ASTN2: variants seen among roughly 807,000 people sequenced by gnomAD.
ASTN2 encodes the protein astrotactin 2.
A neutral mutation model predicts 139.8 loss-of-function variants in ASTN2; 54 were observed. The observed-to-expected ratio is 0.39, with a 90% CI of 0.31 to 0.48. ASTN2 has a LOEUF of 0.48. ASTN2 is among the 20% of genes least tolerant of loss of function. The pLI is 0.95. For synonymous variants in ASTN2, 756 were observed against 719.5 expected, an observed-to-expected ratio of 1.05 and a Z score of -0.81; for missense variants, 1,565 against 1,725.1, an observed-to-expected ratio of 0.91 and a Z score of 1.64.
intron 3 of ASTN2, among the ~76,000 whole-genome samples, chr9:117,196,159 G>T (rs2132979555): frequency 6.6e-6 from 1 of 152,228 alleles, no homozygotes; most frequent in Non-Finnish European, 1.5e-5. Flanking sequence ...TACTCCAGCT[G>T]TGTTACCTTG....
At position 117,096,148 on chromosome 9, in the gene ASTN2, C is replaced by G. The variant is rs1828836039; in HGVS notation, c.1172G>C (p.Gly391Ala). Residue 391 changes from glycine to alanine, a missense_variant, in exon 5 of 23, where the codon GGA (glycine) becomes GCA (alanine). Coordinates refer to ENST00000313400, the MANE Select transcript of ASTN2 (RefSeq NM_001365068.1). Reference sequence around the variant, plus strand: ...CCCCTTGGCTCTCCCAAAGCTGATTCCTCCTGTGAGTAAGCACAGTCTATC... The same window carrying G: ...CCCCTTGGCTCTCCCAAAGCTGATTGCTCCTGTGAGTAAGCACAGTCTATC... ...KRKRRSKSRG[G>A]ISFGRAKGTS... 2 of 1,613,562 alleles carry G rather than the reference C, an allele frequency of 1.2e-6. No homozygotes were observed. The highest frequency in any genetic ancestry group is 2.7e-5 in the African/African-American group (2 of 74,916).
chr9:117,191,255 A>G (rs1019138343), intron 3 of ASTN2, among the ~76,000 whole-genome samples: 2 of 151,850 alleles, frequency 1.3e-5, no homozygotes, highest in Non-Finnish European at 2.9e-5. Context: ...AGCTGCTAAA[A>G]TGTCCATCAA....
At chr9:117,394,089 G>T (rs1830612751) in intron 1 of ASTN2, among the ~76,000 whole-genome samples, 1 of 152,146 alleles carries the variant, frequency 6.6e-6, no homozygotes. Context: ...TTTCAAAGTG[G>T]ATCTCTTTGG....
In ASTN2 at chr9:116,423,927, G is replaced by T. The variant is rs970885189; in HGVS notation, c.*1924C>A. 1.3e-5 allele frequency among the ~76,000 whole-genome samples: 2 copies of T among 152,110 alleles called. No individual in the cohort carries two copies. Among genetic ancestry groups the T allele is most frequent in the Non-Finnish European group, 2.9e-5 (2 of 68,016 alleles). On this transcript the variant is annotated 3_prime_UTR_variant, in exon 23 of 23. Coordinates refer to ENST00000313400, the MANE Select transcript of ASTN2 (RefSeq NM_001365068.1). ...TTTTACTCACCACTACACAAATGAG[G>T]ATAGGCATATTTTGAATGGCTTATG...
chr9:116,605,941 A>G (rs971462691), intron 19 of ASTN2, among the ~76,000 whole-genome samples: 3 of 152,124 alleles, frequency 2.0e-5, no homozygotes, highest in Non-Finnish European at 4.4e-5. Context: ...GTAACTCACC[A>G]TGTGTGTAAG....
At chr9:116,792,558 A>C (rs1419751838) in intron 13 of ASTN2, among the ~76,000 whole-genome samples, 5 of 152,188 alleles carry the variant, frequency 3.3e-5, no homozygotes, top group African/African-American at 1.2e-4. Flanking sequence ...ATCTCTAAGC[A>C]TCCCTGTGCC....
chr9:117,261,794 G>A (rs1362285764), intron 2 of ASTN2, among the ~76,000 whole-genome samples: 2 of 152,032 alleles, frequency 1.3e-5, no homozygotes, highest in African/African-American at 4.8e-5. Flanking sequence ...GGCAAGGAGG[G>A]GAAATATTCA....
intron 1 of ASTN2, among the ~76,000 whole-genome samples, chr9:117,317,367 T>G (rs961380605): frequency 6.6e-6 from 1 of 152,172 alleles, no homozygotes; most frequent in Non-Finnish European, 1.5e-5. Context: ...AAAATGGAAC[T>G]TAGGGGTGGC....
chr9:116,733,918 G>T (rs1270266022), intron 13 of ASTN2, among the ~76,000 whole-genome samples: 1 of 152,110 alleles, frequency 6.6e-6, no homozygotes, highest in Non-Finnish European at 1.5e-5. Flanking sequence ...ATGTCCCCTG[G>T]CATAAGCAGT....
At chr9:117,403,189 G>A (rs1225120181) in intron 1 of ASTN2, among the ~76,000 whole-genome samples, 2 of 152,204 alleles carry the variant, frequency 1.3e-5, no homozygotes, top group Non-Finnish European at 2.9e-5. Context: ...GGTCTACCGT[G>A]ATTCTGATGA....
At chr9:117,055,523 A>T (rs1292863673) in intron 5 of ASTN2, among the ~76,000 whole-genome samples, 1 of 151,894 alleles carries the variant, frequency 6.6e-6, no homozygotes, top group Non-Finnish European at 1.5e-5. Flanking sequence ...CCTATGAAGG[A>T]TGAGATCTAC....
At chr9:117,301,194 G>C (rs1283059589) in intron 1 of ASTN2, among the ~76,000 whole-genome samples, 1 of 151,982 alleles carries the variant, frequency 6.6e-6, no homozygotes, top group African/African-American at 2.4e-5. Context: ...TCTTTGCTTG[G>C]TCTTTGTCAT....
intron 19 of ASTN2, among the ~76,000 whole-genome samples, chr9:116,511,852 T>A (rs894628331): frequency 6.6e-6 from 1 of 152,140 alleles, no homozygotes; most frequent in Non-Finnish European, 1.5e-5. Flanking sequence ...TGGTGATATC[T>A]CCTTTATCAT....
chr9:117,407,835 T>A (rs10759920), intron 1 of ASTN2, among the ~76,000 whole-genome samples: 51,857 of 151,842 alleles, frequency 0.34, 9,329 homozygotes, highest in Middle Eastern at 0.42. Context: ...TCTCTCTCTC[T>A]CACTATAGTT....
chr9:116,930,800 A>G (rs77525007), intron 10 of ASTN2, among the ~76,000 whole-genome samples: 3,860 of 152,266 alleles, frequency 0.025, 63 homozygotes, highest in Middle Eastern at 0.051. Context: ...TTTGGGAATC[A>G]TCCTTGACCT....
At chr9:116,655,368 T>C (rs1373563491) in intron 16 of ASTN2, among the ~76,000 whole-genome samples, 1 of 152,214 alleles carries the variant, frequency 6.6e-6, no homozygotes, top group African/African-American at 2.4e-5. Flanking sequence ...AACACTTCCA[T>C]TTCACTTCAC....
At chr9:117,031,941 C>T (rs181359859) in intron 6 of ASTN2, among the ~76,000 whole-genome samples, 15 of 152,084 alleles carry the variant, frequency 9.9e-5, no homozygotes, top group East Asian at 5.8e-4. Flanking sequence ...TACATGTATG[C>T]GATGTTTTGA....
chr9:116,424,988 G>A lies in ASTN2; in HGVS notation c.*863C>T, dbSNP rs1395356501. 6.6e-6 allele frequency among the ~76,000 whole-genome samples: 1 copy of A among 152,118 alleles called. No homozygotes were observed. The highest frequency in any genetic ancestry group is 1.5e-5 in the Non-Finnish European group (1 of 68,026). On this transcript the variant is annotated 3_prime_UTR_variant, in exon 23 of 23. Transcript: ENST00000313400. ...AAGGAAGCATTTCAGGAGCCCTCCAGTGTGTCTCATGCTCTAACAGTGAGT... is the reference window on the plus strand; with the variant it reads ...AAGGAAGCATTTCAGGAGCCCTCCAATGTGTCTCATGCTCTAACAGTGAGT...
intron 16 of ASTN2, among the ~76,000 whole-genome samples, chr9:116,693,227 T>A (rs1375679649): frequency 1.3e-5 from 2 of 152,214 alleles, no homozygotes; most frequent in Non-Finnish European, 2.9e-5. Context: ...GTCATTACAG[T>A]ACTCTTTTTA....
Sources: gnomAD v4.1 joint callset for allele counts (sites outside exome capture counted in the v4.1 genomes callset) on GRCh38, gnomAD v4.1.1 for gene constraint, MANE v1.5 for transcripts, NCBI Gene and HGNC (gene_info 2026-07-23, HGNC 2026-07-21) for gene names.